The following PDPK1 variants were observed in gnomAD, a reference collection of about 807,000 sequenced individuals.
PDPK1 encodes 3-phosphoinositide-dependent protein kinase 1.
PDPK1 carries 7 observed loss-of-function variants against 39.8 expected under a neutral mutation model. That is an observed-to-expected ratio of 0.18 (90% CI 0.10 to 0.33). PDPK1 has a LOEUF of 0.33. Ranked by LOEUF, PDPK1 falls within the 10% of genes least tolerant of loss-of-function variation. PDPK1 has a pLI of 1.00. For synonymous variants in PDPK1, 118 were observed against 159.1 expected (o/e 0.74, Z 1.95); for missense variants, 182 against 384.7 (o/e 0.47, Z 4.41).
rs2066849257 is a variant in PDPK1 at position 2,585,468 on chromosome 16, G to A, written c.1126-1208G>A. ...CCGCACCCCCTCCTTCATGGGGAAT[G>A]GGCACTGGGCGTCCCCTTCAGCCAG... On this transcript the variant is annotated intron_variant, in intron 10 of 13. Transcript: ENST00000342085. Among the ~76,000 whole-genome samples, 3 of 152,204 alleles carry A rather than the reference G, an allele frequency of 2.0e-5. No homozygotes were observed. In the South Asian group the frequency reaches 6.2e-4, roughly 31 times the overall value.
chr16:2,588,689 GCTGATGA>G (rs1360634173), intron 11 of PDPK1, among the ~76,000 whole-genome samples: 1 of 152,116 alleles, frequency 6.6e-6, no homozygotes, highest in Admixed American at 6.5e-5. Context: ...CTTTTGGGAA[GCTGATGA>G]CTCCTGAGAT....
rs1213762089 is a variant in PDPK1 at position 2,603,104 on chromosome 16, ATACT to A, written c.*5339_*5342del. ...CTGTTTATCCTTTTTTTTTTTCCAAATACTTGTGCTTTAGGTGTAGTTACCAGAT... is the reference window on the plus strand; with the variant it reads ...CTGTTTATCCTTTTTTTTTTTCCAAATGTGCTTTAGGTGTAGTTACCAGAT... On this transcript the variant is annotated 3_prime_UTR_variant, in exon 14 of 14. Coordinates refer to ENST00000342085, the MANE Select transcript of PDPK1 (RefSeq NM_002613.5). 3 of 225,626 alleles carry A rather than the reference ATACT, an allele frequency of 1.3e-5. No individual in the cohort carries two copies. Among genetic ancestry groups the A allele is most frequent in the Non-Finnish European group, 2.6e-5 (3 of 113,584 alleles). The allele number at this position is 225,626 out of a possible 1,614,324, so 14.0% of individuals were successfully genotyped here.
At chr16:2,547,264 G>A (rs2066368241) in intron 1 of PDPK1, among the ~76,000 whole-genome samples, 1 of 145,866 alleles carries the variant, frequency 6.9e-6, no homozygotes, top group Non-Finnish European at 1.5e-5. Flanking sequence ...CGAGCGCTAG[G>A]TTCGTCTGCG....
At chr16:2,540,771 A>G (rs2066230045) in intron 1 of PDPK1, among the ~76,000 whole-genome samples, 1 of 152,168 alleles carries the variant, frequency 6.6e-6, no homozygotes, top group African/African-American at 2.4e-5. Flanking sequence ...GAGGGCCGAT[A>G]CTCTGAATGG....
At chr16:2,585,113 G>T (rs2066839758) in intron 10 of PDPK1, among the ~76,000 whole-genome samples, 1 of 152,222 alleles carries the variant, frequency 6.6e-6, no homozygotes, top group Non-Finnish European at 1.5e-5. Context: ...CAGTCTCAAT[G>T]CCTGGGGAGC....
intron 2 of PDPK1, among the ~76,000 whole-genome samples, chr16:2,559,853 T>C (rs1291270893): frequency 6.6e-6 from 1 of 151,472 alleles, no homozygotes; most frequent in African/African-American, 2.4e-5. Context: ...TTTCTGAACC[T>C]GCACCAGGGA....
intron 7 of PDPK1, among the ~76,000 whole-genome samples, chr16:2,577,763 G>A (rs1320662046): frequency 8.7e-5 from 13 of 149,540 alleles, no homozygotes; most frequent in South Asian, 2.1e-4. Context: ...TTTTTGAGAC[G>A]GAGTCTCGCT....
intron 1 of PDPK1, among the ~76,000 whole-genome samples, chr16:2,545,568 C>T (rs1311902492): frequency 3.3e-5 from 5 of 152,070 alleles, no homozygotes; most frequent in Non-Finnish European, 7.4e-5. Context: ...GATGTCGGCT[C>T]ACTGTAACCT....
chr16:2,597,764 G>A lies in PDPK1; in HGVS notation c.1668G>A (p.Gln556=), dbSNP rs770386112. 1.2e-5 allele frequency: 19 copies of A among 1,607,880 alleles called. No homozygotes were observed. The South Asian group carries it at 1.4e-4, about 12-fold the overall frequency. Residue 556 remains glutamine (Q), a synonymous_variant, in exon 14 of 14, where the codon CAG becomes CAA. Transcript: ENST00000342085. The surrounding 1 kb of genome is among the most constrained non-coding windows in gnomAD (Gnocchi z 6.3). ...AGAGCCACCCGGACGCCGCTGTGCAGTGACGTGGCCTGCGGCCGGGCTGCC... is the reference window on the plus strand; with the variant it reads ...AGAGCCACCCGGACGCCGCTGTGCAATGACGTGGCCTGCGGCCGGGCTGCC... ...RYQSHPDAAV[Q]
chr16:2,597,742 G>A lies in PDPK1; in HGVS notation c.1646G>A (p.Ser549Asn). The change falls in exon 14 of 14, where the codon AGC becomes AAC. Residue 549 changes from serine to asparagine, a missense_variant. Physicochemically the swap from Ser to Asn is conservative, Grantham distance 46 (BLOSUM62 1). Coordinates refer to ENST00000342085, the MANE Select transcript of PDPK1 (RefSeq NM_002613.5). This position sits in a 1 kb window ranked among gnomAD's most constrained non-coding sequence, Gnocchi z 6.3. ...IQEVWRQRYQ[S>N]HPDAAVQ ...GAGGTTTGGAGGCAGCGATACCAGA[G>A]CCACCCGGACGCCGCTGTGCAGTGA... The A allele has an allele frequency of 1.2e-6, 2 of 1,612,846 alleles. No homozygotes were observed. Among genetic ancestry groups the A allele is most frequent in the Non-Finnish European group, 8.5e-7 (1 of 1,179,736 alleles).
Position 2,601,087 on chromosome 16 carries a change from T to G in PDPK1, c.*3320T>G, listed in dbSNP as rs905677423. 1 of 232,864 alleles carries G rather than the reference T, an allele frequency of 4.3e-6. No individual in the cohort carries two copies. Among genetic ancestry groups the G allele is most frequent in the Non-Finnish European group, 8.5e-6 (1 of 117,972 alleles). 14.4% of individuals were successfully genotyped at this position (232,864 alleles called of 1,614,324 possible). A position where few individuals can be genotyped will look rare whatever the true frequency, so the allele number is the denominator to read the frequency against. On this transcript the variant is annotated 3_prime_UTR_variant, in exon 14 of 14. Coordinates refer to ENST00000342085, the MANE Select transcript of PDPK1 (RefSeq NM_002613.5). ...TATTTAAATAATGCTGTGATGAATA[T>G]CTTTAAAATCTTCTGATTTCTTACT...
chr16:2,599,382 A>G lies in PDPK1; in HGVS notation c.*1615A>G, dbSNP rs1250554598. 4.3e-6 allele frequency: 1 copy of G among 233,228 alleles called. No homozygotes were observed. Among genetic ancestry groups the G allele is most frequent in the East Asian group, 6.0e-5 (1 of 16,596 alleles). 14.4% of individuals were successfully genotyped at this position (233,228 alleles called of 1,614,324 possible). On this transcript the variant is annotated 3_prime_UTR_variant, in exon 14 of 14. Transcript: ENST00000342085. ...GGAAGGTGTCGTTTTTACACTGCTA[A>G]TGACGAGAGTGGCTCTTTTTAGCTA...
intron 1 of PDPK1, among the ~76,000 whole-genome samples, chr16:2,545,771 C>T (rs1000397786): frequency 9.2e-5 from 14 of 152,086 alleles, no homozygotes; most frequent in African/African-American, 3.1e-4. Flanking sequence ...AGATTACAGG[C>T]GTAAGCCACC....
intron 11 of PDPK1, among the ~76,000 whole-genome samples, 171 bp from the exon 12 acceptor site, chr16:2,595,622 G>C (rs2067085517): frequency 6.6e-6 from 1 of 152,222 alleles, no homozygotes; most frequent in Non-Finnish European, 1.5e-5. Flanking sequence ...CTGCGTGGCA[G>C]TGCTGTATGT....
At position 2,602,835 on chromosome 16, in the gene PDPK1, A is replaced by G. The variant is rs1257139895; in HGVS notation, c.*5068A>G. The G allele has an allele frequency of 8.6e-6, 2 of 233,876 alleles. No individual in the cohort carries two copies. Among genetic ancestry groups the G allele is most frequent in the Middle Eastern group, 1.2e-3 (1 of 806 alleles). The allele number at this position is 233,876 out of a possible 1,614,324, so 14.5% of individuals were successfully genotyped here. A position where few individuals can be genotyped will look rare whatever the true frequency, so the allele number is the denominator to read the frequency against. On this transcript the variant is annotated 3_prime_UTR_variant, in exon 14 of 14. Transcript: ENST00000342085. ...ATGATACTAGGATATACACTTTTGTATTTTTATTCTTATATAAGGTTATTT... is the reference window on the plus strand; with the variant it reads ...ATGATACTAGGATATACACTTTTGTGTTTTTATTCTTATATAAGGTTATTT...
chr16:2,588,864 G>T (rs186308198), intron 11 of PDPK1, among the ~76,000 whole-genome samples: 1 of 152,274 alleles, frequency 6.6e-6, no homozygotes, highest in African/African-American at 2.4e-5. Flanking sequence ...CATTCTCTGT[G>T]CGTGTATGGT....
chr16:2,585,115 C>T (rs984807089), intron 10 of PDPK1, among the ~76,000 whole-genome samples: 1 of 152,242 alleles, frequency 6.6e-6, no homozygotes, highest in African/African-American at 2.4e-5. Flanking sequence ...GTCTCAATGC[C>T]TGGGGAGCTT....
intron 1 of PDPK1, chr16:2,539,077 G>GC (rs2066194013): frequency 5.7e-6 from 1 of 174,042 alleles, no homozygotes; most frequent in South Asian, 7.6e-5. Flanking sequence ...CCAGGATGCG[G>GC]CTTTTTTTTT....
In PDPK1 at chr16:2,538,066, G is replaced by T. The variant is rs1307391984; in HGVS notation, c.-47G>T. The T allele has an allele frequency of 4.1e-6, 4 of 981,056 alleles. No individual in the cohort carries two copies. Among genetic ancestry groups the T allele is most frequent in the Middle Eastern group, 4.7e-4 (1 of 2,134 alleles). 60.8% of individuals were successfully genotyped at this position (981,056 alleles called of 1,614,324 possible). A position where few individuals can be genotyped will look rare whatever the true frequency, so the allele number is the denominator to read the frequency against. On this transcript the variant is annotated 5_prime_UTR_variant, in exon 1 of 14. Coordinates refer to ENST00000342085, the MANE Select transcript of PDPK1 (RefSeq NM_002613.5). The stretch of plus-strand genomic sequence containing the variant: ...GGGAGGAGGACGCTGAGGAGGCGCC[G>T]AGCCGCGCAGCGCTGCGGGGGAGGC...
Sources: allele counts gnomAD v4.1 joint callset (sites outside exome capture counted in the v4.1 genomes callset), GRCh38; gene constraint gnomAD v4.1.1; non-coding constraint Gnocchi (gnomAD v3.1); transcripts MANE v1.5; gene names NCBI Gene and HGNC (gene_info 2026-07-23, HGNC 2026-07-21).